GPC3: variants seen among roughly 807,000 people sequenced by gnomAD.
GPC3 encodes the protein glypican-3.
A neutral mutation model predicts 34.4 loss-of-function variants in GPC3; 3 were observed. The ratio of observed to expected loss-of-function variants is 0.09; its 90% CI spans 0.04 to 0.23. GPC3 has a LOEUF of 0.23. GPC3 is among the 10% of genes least tolerant of loss of function. The probability of loss-of-function intolerance (pLI) is 1.00; values close to 1 mark genes in which losing one functional copy is unlikely to be tolerated. For missense variants in GPC3, 351 were observed against 445.6 expected, an observed-to-expected ratio of 0.79 and a Z score of 1.91; for synonymous variants, 177 against 174.0, an observed-to-expected ratio of 1.02 and a Z score of -0.13.
chrX:133,953,672 C>T (rs752768609), intron 1 of GPC3, among the ~76,000 whole-genome samples: 1 of 112,027 alleles, frequency 8.9e-6, no homozygotes, highest in South Asian at 3.7e-4. Context: ...CCCAATACTG[C>T]TTTTCAGGAT....
chrX:133,633,128 A>C (rs1321909325), intron 6 of GPC3, among the ~76,000 whole-genome samples: 1 of 112,037 alleles, frequency 8.9e-6, no homozygotes, highest in African/African-American at 3.2e-5. Context: ...TTTCTCCAGT[A>C]ATAAATATAT....
intron 2 of GPC3, among the ~76,000 whole-genome samples, chrX:133,783,902 C>T (rs892522290): frequency 9.0e-6 from 1 of 111,699 alleles, no homozygotes; most frequent in African/African-American, 3.3e-5. Context: ...TATCCATATT[C>T]GAGTTTTGGG....
At chrX:133,758,753 C>T (rs759918888) in intron 2 of GPC3, among the ~76,000 whole-genome samples, 124 of 110,634 alleles carry the variant, frequency 1.1e-3, no homozygotes, top group Non-Finnish European at 1.4e-3. Flanking sequence ...TAATGTAATC[C>T]ATCACATCAA....
rs367811515 is a variant in GPC3, at chrX:133,769,678, A to G, written c.338-15502T>C. ...TTTGCACCAAACCAGCTAAATTCTG[A>G]GGCTTAGCTACCACCTTAGTTCTGG... On this transcript the variant is annotated intron_variant, in intron 2 of 7. Transcript: ENST00000370818. Among the ~76,000 whole-genome samples, 17 of 111,839 alleles carry G rather than the reference A, an allele frequency of 1.5e-4. No homozygotes were observed. The East Asian group carries it at 2.8e-3, about 19-fold the overall frequency.
At chrX:133,741,533 T>C (rs73564908) in intron 3 of GPC3, among the ~76,000 whole-genome samples, 6,908 of 111,623 alleles carry the variant, frequency 0.062, 563 homozygotes, top group African/African-American at 0.21. Flanking sequence ...GGCCAAGCCA[T>C]GCCCATATAT....
At chrX:133,594,500 G>T (rs7884831) in intron 7 of GPC3, among the ~76,000 whole-genome samples, 37,644 of 111,323 alleles carry the variant, frequency 0.34, 8,523 homozygotes, top group African/African-American at 0.82. Context: ...GGATAAAAAA[G>T]TGTGGTACAT....
chrX:133,976,763 C>T (rs2076517457), intron 1 of GPC3, among the ~76,000 whole-genome samples: 2 of 108,856 alleles, frequency 1.8e-5, no homozygotes, highest in South Asian at 8.0e-4. Flanking sequence ...ACTAAAAATA[C>T]AAAAATTAGC....
chrX:133,831,701 TCTCA>T (rs2075775941), intron 2 of GPC3, among the ~76,000 whole-genome samples: 2 of 107,329 alleles, frequency 1.9e-5, no homozygotes, highest in South Asian at 7.5e-4. Flanking sequence ...TTGCACTCTG[TCTCA>T]AAACAAAACA....
At chrX:133,843,830 G>A (rs371055457) in intron 2 of GPC3, among the ~76,000 whole-genome samples, 4 of 111,959 alleles carry the variant, frequency 3.6e-5, no homozygotes, top group Admixed American at 9.5e-5. Flanking sequence ...TATGCATTTC[G>A]TGATACAAAA....
At chrX:133,780,646 C>T (rs753737143) in intron 2 of GPC3, among the ~76,000 whole-genome samples, 2 of 111,385 alleles carry the variant, frequency 1.8e-5, no homozygotes, top group Non-Finnish European at 3.8e-5. Flanking sequence ...TTCACAGAGC[C>T]GGACCTGCAG....
chrX:133,847,574 C>T (rs2075852593), intron 2 of GPC3, among the ~76,000 whole-genome samples: 1 of 112,221 alleles, frequency 8.9e-6, no homozygotes, highest in African/African-American at 3.2e-5. Flanking sequence ...CAGCTCAGGG[C>T]TTTCAGATTT....
intron 1 of GPC3, among the ~76,000 whole-genome samples, chrX:133,970,350 A>T (rs1402276697): frequency 9.0e-6 from 1 of 111,639 alleles, no homozygotes; most frequent in Non-Finnish European, 1.9e-5. Context: ...TATATGTGTG[A>T]CTTTCACAGT....
At chrX:133,644,122 G>A (rs1603207873) in intron 6 of GPC3, among the ~76,000 whole-genome samples, 2 of 110,359 alleles carry the variant, frequency 1.8e-5, no homozygotes, top group African/African-American at 3.3e-5. Flanking sequence ...CACCGAGCCC[G>A]GCCTTATTTT....
At chrX:133,618,720 T>C (rs903782856) in intron 6 of GPC3, among the ~76,000 whole-genome samples, 14 of 88,148 alleles carry the variant, frequency 1.6e-4, no homozygotes, top group Non-Finnish European at 4.6e-5. Context: ...AAAAAAAAAA[T>C]AGACCAAAGG....
At chrX:133,983,861 C>T (rs1238773562) in intron 1 of GPC3, among the ~76,000 whole-genome samples, 5 of 112,019 alleles carry the variant, frequency 4.5e-5, no homozygotes, top group African/African-American at 1.3e-4. Flanking sequence ...GGTAGTTCGA[C>T]CCTCCCTTAG....
At chrX:133,621,764 AGAGTTAAACGTTCCTGTCT>A (rs2124359091) in intron 6 of GPC3, among the ~76,000 whole-genome samples, 1 of 112,457 alleles carries the variant, frequency 8.9e-6, no homozygotes, top group South Asian at 3.7e-4. Flanking sequence ...AAAGTTCTGC[AGAGTTAAACGTTCCTGTCT>A]GACAGCTTTG....
intron 5 of GPC3, among the ~76,000 whole-genome samples, chrX:133,668,092 C>T (rs1269888122): frequency 9.3e-6 from 1 of 107,533 alleles, no homozygotes; most frequent in Admixed American, 1.0e-4. Context: ...TTAGTAGAGA[C>T]GGGGTTTTCA....
At chrX:133,588,970 G>A (rs1031310571) in intron 7 of GPC3, among the ~76,000 whole-genome samples, 1 of 111,556 alleles carries the variant, frequency 9.0e-6, no homozygotes, top group Non-Finnish European at 1.9e-5. Flanking sequence ...CTGGGACGAA[G>A]TGACTAGCCA....
intron 7 of GPC3, among the ~76,000 whole-genome samples, chrX:133,582,791 A>T (rs2069745029): frequency 8.9e-6 from 1 of 111,737 alleles, no homozygotes; most frequent in South Asian, 3.8e-4. Flanking sequence ...TGTGGGCAGA[A>T]TCAGAAGGGA....
Sources: gnomAD v4.1 joint callset for allele counts (sites outside exome capture counted in the v4.1 genomes callset) on GRCh38, gnomAD v4.1.1 for gene constraint, MANE v1.5 for transcripts, NCBI Gene and HGNC (gene_info 2026-07-23, HGNC 2026-07-21) for gene names.